Variants in CHM observed in about 807,000 individuals in gnomAD.
The protein encoded by CHM is rab proteins geranylgeranyltransferase component A 1.
A neutral mutation model predicts 49.0 loss-of-function variants in CHM; 10 were observed. The ratio of observed to expected loss-of-function variants is 0.20; its 90% CI spans 0.13 to 0.35. The LOEUF (loss-of-function observed/expected upper bound fraction) is 0.35. Among genes scored for constraint, CHM ranks in the 10% least tolerant of loss-of-function variants. The pLI is 1.00. For missense variants in CHM, 455 were observed against 478.4 expected, an observed-to-expected ratio of 0.95 and a Z score of 0.46; for synonymous variants, 184 against 167.5, an observed-to-expected ratio of 1.10 and a Z score of -0.76.
At chrX:85,994,982 G>C (rs1189424699) in intron 2 of CHM, among the ~76,000 whole-genome samples, 1 of 110,850 alleles carries the variant, frequency 9.0e-6, no homozygotes, top group Non-Finnish European at 1.9e-5. Flanking sequence ...AGTCAAAGTA[G>C]TATGTAGAGA....
intron 7 of CHM, 90 bp downstream of exon 7, chrX:85,957,765 G>T: frequency 9.1e-7 from 1 of 1,096,286 alleles, no homozygotes; most frequent in South Asian, 2.1e-5. Flanking sequence ...TTTTAAAACA[G>T]TAATAAGTGG....
chrX:85,913,332 A>AAAAAAGAAAGAAAG (rs762266365), intron 8 of CHM, among the ~76,000 whole-genome samples: 22 of 23,412 alleles, frequency 9.4e-4, no homozygotes, highest in Non-Finnish European at 1.5e-3. Flanking sequence ...AAAAAAAAAA[A>AAAAAAGAAAGAAAG]AAAGAAAGAA....
chrX:85,972,822 C>T (rs892780111), intron 4 of CHM, among the ~76,000 whole-genome samples: 1 of 112,267 alleles, frequency 8.9e-6, no homozygotes, highest in African/African-American at 3.2e-5. Context: ...AGCGGCGGGC[C>T]GAAGGGCTCC....
chrX:85,964,815 T>G (rs914620512), intron 4 of CHM, among the ~76,000 whole-genome samples: 1 of 110,747 alleles, frequency 9.0e-6, no homozygotes, highest in African/African-American at 3.3e-5. Flanking sequence ...ATTGTCTTGA[T>G]TTATAGAACA....
intron 2 of CHM, among the ~76,000 whole-genome samples, chrX:85,989,705 A>G (rs192180777): frequency 1.6e-3 from 174 of 109,198 alleles, no homozygotes; most frequent in Non-Finnish European, 2.9e-3. Flanking sequence ...ACTTTTCAAA[A>G]GAAAACATAC....
chrX:85,981,030 T>C (rs1931561869), intron 3 of CHM, among the ~76,000 whole-genome samples: 1 of 108,411 alleles, frequency 9.2e-6, no homozygotes, highest in Non-Finnish European at 1.9e-5. Flanking sequence ...AAGGTTTTTG[T>C]TCAAAATATA....
At chrX:85,909,991 T>C (rs1459257425) in intron 9 of CHM, among the ~76,000 whole-genome samples, 2 of 111,704 alleles carry the variant, frequency 1.8e-5, no homozygotes, top group African/African-American at 6.5e-5. Context: ...CCTGGGCCTT[T>C]AGGGATTAAT....
chrX:85,910,115 C>T (rs1292392359), intron 9 of CHM, among the ~76,000 whole-genome samples: 1 of 111,762 alleles, frequency 8.9e-6, no homozygotes, highest in East Asian at 2.8e-4. Context: ...TACAGAATTA[C>T]TCTTCTAAAG....
chrX:85,896,163 A>G (rs1925817571), intron 11 of CHM, among the ~76,000 whole-genome samples: 1 of 109,897 alleles, frequency 9.1e-6, no homozygotes, highest in Admixed American at 9.8e-5. Flanking sequence ...GAAAAAAAAA[A>G]AGAGAGAAGA....
At chrX:85,904,546 A>C (rs1401398555) in intron 9 of CHM, among the ~76,000 whole-genome samples, 3 of 112,179 alleles carry the variant, frequency 2.7e-5, no homozygotes, top group Non-Finnish European at 5.6e-5. Context: ...AACTAATTTT[A>C]TGATAAAGAA....
At chrX:85,869,856 A>C (rs1923937077) in intron 14 of CHM, among the ~76,000 whole-genome samples, 1 of 112,481 alleles carries the variant, frequency 8.9e-6, no homozygotes, top group Admixed American at 9.5e-5. Flanking sequence ...GGAAAGGGCT[A>C]ATTATATTGT....
chrX:85,984,029 C>A (rs1302911684), intron 2 of CHM, among the ~76,000 whole-genome samples: 2 of 108,947 alleles, frequency 1.8e-5, no homozygotes, highest in African/African-American at 6.7e-5. Context: ...TGGTGAAACC[C>A]CGTCTCTACT....
chrX:85,920,058 G>A (rs1365439452), intron 8 of CHM, among the ~76,000 whole-genome samples: 21 of 111,074 alleles, frequency 1.9e-4, no homozygotes, highest in African/African-American at 6.5e-5. Context: ...TGGTGTCAAC[G>A]AGCAATAGTG....
At chrX:85,929,833 G>A (rs765612651) in intron 8 of CHM, among the ~76,000 whole-genome samples, 4 of 111,566 alleles carry the variant, frequency 3.6e-5, no homozygotes, top group Non-Finnish European at 7.5e-5. Flanking sequence ...CAGGTGTGGT[G>A]GCTCATGCCT....
At chrX:86,012,239 T>A (rs1468411117) in intron 2 of CHM, among the ~76,000 whole-genome samples, 1 of 110,606 alleles carries the variant, frequency 9.0e-6, no homozygotes, top group Non-Finnish European at 1.9e-5. Context: ...GGAGAGAAAA[T>A]AACAAATCAT....
Position 85,934,630 on chromosome X carries a change from C to G in CHM, c.1166+21523G>C, listed in dbSNP as rs757890889. Reference sequence around the variant, plus strand: ...GACATGAACTCATCCTTTTTTATGGCTGCATAGTATTCCACGGTGTATATG... The same window carrying G: ...GACATGAACTCATCCTTTTTTATGGGTGCATAGTATTCCACGGTGTATATG... On this transcript the variant is annotated intron_variant, in intron 8 of 14. Transcript: ENST00000357749. 2.7e-5 allele frequency among the ~76,000 whole-genome samples: 3 copies of G among 110,191 alleles called. No individual in the cohort carries two copies. The East Asian group carries it at 8.7e-4, about 32-fold the overall frequency.
At chrX:85,898,831 G>A (rs1410012579) in intron 11 of CHM, among the ~76,000 whole-genome samples, 1 of 112,421 alleles carries the variant, frequency 8.9e-6, no homozygotes, top group African/African-American at 3.2e-5. Flanking sequence ...AGCTATTTGA[G>A]AGCAGAGATG....
In CHM at chrX:86,021,892, C is replaced by A. The variant is rs764129805; in HGVS notation, c.116+5599G>T. On this transcript the variant is annotated intron_variant, in intron 2 of 14. Transcript: ENST00000357749. Reference sequence around the variant, plus strand: ...CAACAAAATGGATAAGCCTTGAGGACACTGTACTAAGTGAAATAAGCCAGT... The same window carrying A: ...CAACAAAATGGATAAGCCTTGAGGAAACTGTACTAAGTGAAATAAGCCAGT... 2.0e-4 allele frequency among the ~76,000 whole-genome samples: 22 copies of A among 111,905 alleles called. No individual in the cohort carries two copies. The South Asian group carries it at 2.6e-3, about 13-fold the overall frequency.
At chrX:85,957,145 GA>G (rs1389619353) in intron 7 of CHM, among the ~76,000 whole-genome samples, 1 of 111,306 alleles carries the variant, frequency 9.0e-6, no homozygotes, top group Middle Eastern at 4.2e-3. Context: ...TTTCACAGAG[GA>G]AAAAAAATAT....
Sources: allele counts gnomAD v4.1 joint callset (sites outside exome capture counted in the v4.1 genomes callset), GRCh38; gene constraint gnomAD v4.1.1; transcripts MANE v1.5; gene names NCBI Gene and HGNC (gene_info 2026-07-23, HGNC 2026-07-21).